Variants in NRXN3 observed in about 807,000 individuals in gnomAD.
The protein encoded by NRXN3 is neurexin III.
In NRXN3, 32 loss-of-function variants were observed where a neutral mutation model predicts 137.6. The observed-to-expected ratio is 0.23, with a 90% CI of 0.18 to 0.31. NRXN3 has a LOEUF of 0.31. Ranked by LOEUF, NRXN3 falls within the 10% of genes least tolerant of loss-of-function variation. NRXN3 has a pLI of 1.00. For synonymous variants in NRXN3, 798 were observed against 784.5 expected (o/e 1.02, Z -0.29); for missense variants, 1,574 against 2,062.5 (o/e 0.76, Z 4.59).
intron 8 of NRXN3, among the ~76,000 whole-genome samples, chr14:78,779,031 G>T (rs2098758815): frequency 6.6e-6 from 1 of 151,726 alleles, no homozygotes; most frequent in South Asian, 2.1e-4. Flanking sequence ...AAATCAACTT[G>T]GATAGAAACC....
chr14:78,950,719 C>G (rs1318082398), intron 10 of NRXN3, among the ~76,000 whole-genome samples: 3 of 152,058 alleles, frequency 2.0e-5, no homozygotes, highest in African/African-American at 7.2e-5. Flanking sequence ...ACCCAACAAT[C>G]CTGTATCATC....
intron 15 of NRXN3, among the ~76,000 whole-genome samples, chr14:79,157,033 C>G (rs2060315799): frequency 1.3e-5 from 2 of 151,718 alleles, no homozygotes; most frequent in African/African-American, 4.8e-5. Context: ...CTAGAGATTA[C>G]CTCAACTTGT....
In NRXN3 at chr14:78,264,755, G is replaced by A. The variant is rs533282975; in HGVS notation, c.710-13890G>A. On this transcript the variant is annotated intron_variant, in intron 2 of 20. Transcript: ENST00000335750. ...TTAGTGTTGTCTAATAACGGCCTTA[G>A]ATTTATCAGGGGATTTGTTTGATTA... Among the ~76,000 whole-genome samples, 4 of 152,334 alleles carry A rather than the reference G, an allele frequency of 2.6e-5. No individual in the cohort carries two copies. The East Asian group carries it at 7.7e-4, about 29-fold the overall frequency.
chr14:78,715,090 C>T lies in NRXN3; in HGVS notation c.1995C>T (p.Phe665=), dbSNP rs764381708. The T allele has an allele frequency of 2.5e-6, 4 of 1,612,832 alleles. No individual in the cohort carries two copies. The South Asian group carries it at 4.4e-5, about 18-fold the overall frequency. Residue 665 remains phenylalanine (F), a synonymous_variant, in exon 8 of 21, where the codon TTC becomes TTT. Transcript: ENST00000335750. The part of the protein sequence containing the change: ...NAVCKDGWNR[F]ICDCTGTGYW... ...TGTGCAAGGACGGCTGGAACCGCTT[C>T]ATCTGCGACTGCACCGGCACCGGAT...
intron 20 of NRXN3, among the ~76,000 whole-genome samples, chr14:79,833,943 AG>A (rs1280369802): frequency 6.6e-6 from 1 of 152,176 alleles, no homozygotes; most frequent in Non-Finnish European, 1.5e-5. Context: ...TATATCTGCA[AG>A]TGACAACATC....
chr14:78,743,052 C>T (rs950411456), intron 8 of NRXN3, among the ~76,000 whole-genome samples: 6 of 152,122 alleles, frequency 3.9e-5, no homozygotes, highest in Admixed American at 6.5e-5. Context: ...CTTATATTGT[C>T]TGCTTTATGC....
At chr14:78,552,637 G>A (rs2094963483) in intron 4 of NRXN3, among the ~76,000 whole-genome samples, 1 of 152,124 alleles carries the variant, frequency 6.6e-6, no homozygotes, top group African/African-American at 2.4e-5. Context: ...GTGCACTCCA[G>A]TATGGGCAAC....
intron 10 of NRXN3, among the ~76,000 whole-genome samples, chr14:78,888,443 G>A (rs907554395): frequency 6.6e-6 from 1 of 151,732 alleles, no homozygotes. Flanking sequence ...GGTTTGTTAG[G>A]GGGTAGTGTC....
intron 10 of NRXN3, among the ~76,000 whole-genome samples, chr14:78,923,223 C>T (rs778958772): frequency 1.3e-5 from 2 of 152,168 alleles, no homozygotes; most frequent in Non-Finnish European, 2.9e-5. Flanking sequence ...AATATCCTGC[C>T]AACACTTTTT....
chr14:79,385,795 T>C (rs2094597475), intron 15 of NRXN3, among the ~76,000 whole-genome samples: 2 of 152,158 alleles, frequency 1.3e-5, no homozygotes. Context: ...GCAAGGCTGG[T>C]TAAACATACG....
At chr14:79,260,340 G>A (rs978013198) in intron 15 of NRXN3, among the ~76,000 whole-genome samples, 9 of 152,098 alleles carry the variant, frequency 5.9e-5, no homozygotes, top group Admixed American at 2.6e-4. Flanking sequence ...GACACGTCTT[G>A]GGATGCTAGC....
At chr14:79,273,188 A>T (rs1198332778) in intron 15 of NRXN3, among the ~76,000 whole-genome samples, 1 of 150,276 alleles carries the variant, frequency 6.7e-6, no homozygotes. Flanking sequence ...AAAAAAAAAA[A>T]AAAAAAAAAA....
intron 15 of NRXN3, among the ~76,000 whole-genome samples, chr14:79,145,304 T>G (rs537498742): frequency 1.3e-5 from 2 of 152,304 alleles, no homozygotes; most frequent in African/African-American, 4.8e-5. Flanking sequence ...AAAATAACCT[T>G]TCTTTACTCC....
intron 15 of NRXN3, among the ~76,000 whole-genome samples, chr14:79,157,480 C>G (rs1379010203): frequency 6.6e-6 from 1 of 151,738 alleles, no homozygotes; most frequent in East Asian, 1.9e-4. Context: ...TTTAAATCAG[C>G]ATAAGCTGGT....
chr14:78,215,898 G>T (rs182530814), intron 1 of NRXN3, among the ~76,000 whole-genome samples: 10 of 152,264 alleles, frequency 6.6e-5, no homozygotes, highest in Admixed American at 5.2e-4. Flanking sequence ...CCCAGGGCTT[G>T]GTCTGGGTGC....
chr14:78,726,938 A>G (rs1440677726), intron 8 of NRXN3, among the ~76,000 whole-genome samples: 1 of 139,236 alleles, frequency 7.2e-6, no homozygotes, highest in South Asian at 2.4e-4. Flanking sequence ...AGGCTTTGGG[A>G]GCTATACAGG....
chr14:79,385,570 G>T (rs1286094295), intron 15 of NRXN3, among the ~76,000 whole-genome samples: 1 of 152,132 alleles, frequency 6.6e-6, no homozygotes, highest in Non-Finnish European at 1.5e-5. Context: ...AATCCTCAGT[G>T]TTGGAGGTGG....
intron 15 of NRXN3, among the ~76,000 whole-genome samples, chr14:79,294,016 A>G (rs574634267): frequency 1.3e-5 from 2 of 152,254 alleles, no homozygotes; most frequent in South Asian, 2.1e-4. Context: ...AAGGATCATC[A>G]CAAGACACCA....
intron 19 of NRXN3, among the ~76,000 whole-genome samples, chr14:79,790,748 GTA>G (rs2099142665): frequency 6.6e-6 from 1 of 151,258 alleles, no homozygotes; most frequent in South Asian, 2.1e-4. Context: ...AGCCACCCGA[GTA>G]TCTGGGATTA....
Sources: gnomAD v4.1 joint callset for allele counts (sites outside exome capture counted in the v4.1 genomes callset) on GRCh38, gnomAD v4.1.1 for gene constraint, MANE v1.5 for transcripts, NCBI Gene and HGNC (gene_info 2026-07-23, HGNC 2026-07-21) for gene names.